VCPIP1: variants seen among roughly 807,000 people sequenced by gnomAD.
VCPIP1 encodes valosin containing protein interacting protein 1, also known as deubiquitinating protein VCPIP1.
Under a neutral mutation model 85.0 loss-of-function variants are expected in VCPIP1, and 8 were observed. That is an observed-to-expected ratio of 0.09 (90% CI 0.06 to 0.17). The LOEUF is 0.17. VCPIP1 is among the 10% of genes least tolerant of loss of function. VCPIP1 has a pLI of 1.00. For synonymous variants in VCPIP1, 543 were observed against 544.5 expected (o/e 1.00, Z 0.04); for missense variants, 1,070 against 1,486.3 (o/e 0.72, Z 4.61).
intron 1 of VCPIP1, 78 bp downstream of exon 1, chr8:66,664,171 T>C: frequency 7.1e-7 from 1 of 1,415,110 alleles, no homozygotes; most frequent in Non-Finnish European, 9.3e-7. Flanking sequence ...CAGATTTCTT[T>C]TCCCCCAAAG....
Position 66,667,031 on chromosome 8 carries a change from C to G in VCPIP1, c.-73G>C. On this transcript the variant is annotated 5_prime_UTR_variant, in exon 1 of 3. Coordinates refer to ENST00000310421, the MANE Select transcript of VCPIP1 (RefSeq NM_025054.5). ...AGCTCATAGCCCAGACCCCCACCAA[C>G]CCGACTCGGTCCAGTCCAGGCCCAG... is the stretch of plus-strand genomic sequence containing the variant. 1.4e-6 allele frequency: 2 copies of G among 1,442,220 alleles called. No individual in the cohort carries two copies. The highest frequency in any genetic ancestry group is 1.8e-6 in the Non-Finnish European group (2 of 1,101,400). 89.3% of individuals were successfully genotyped at this position (1,442,220 alleles called of 1,614,324 possible).
chr8:66,661,719 G>C (rs1280871423), intron 1 of VCPIP1, among the ~76,000 whole-genome samples: 2 of 151,150 alleles, frequency 1.3e-5, no homozygotes, highest in African/African-American at 4.9e-5. Context: ...CTGGGCGACA[G>C]AGTGAGACTC....
chr8:66,642,168 T>C (rs1810954487), intron 2 of VCPIP1, among the ~76,000 whole-genome samples: 1 of 152,222 alleles, frequency 6.6e-6, no homozygotes, highest in African/African-American at 2.4e-5. Context: ...ATTTTTCTTT[T>C]GATTTGCATT....
chr8:66,654,305 G>A (rs1013626932), intron 1 of VCPIP1, among the ~76,000 whole-genome samples: 2 of 152,174 alleles, frequency 1.3e-5, no homozygotes, highest in Admixed American at 6.5e-5. Flanking sequence ...GTGAAACTCC[G>A]TCTCTACTAA....
chr8:66,656,287 T>G (rs1811099557), intron 1 of VCPIP1, among the ~76,000 whole-genome samples: 1 of 152,104 alleles, frequency 6.6e-6, no homozygotes. Context: ...CTTGATCTCC[T>G]GAACTCAAGC....
intron 2 of VCPIP1, among the ~76,000 whole-genome samples, chr8:66,640,469 G>A (rs11990322): frequency 0.082 from 12,476 of 152,142 alleles, 1,020 homozygotes; most frequent in African/African-American, 0.2. Context: ...GTAAATACTA[G>A]GCAGAAAAGG....
intron 1 of VCPIP1, among the ~76,000 whole-genome samples, chr8:66,661,912 T>C (rs1586630067): frequency 6.6e-6 from 1 of 150,800 alleles, no homozygotes; most frequent in South Asian, 2.1e-4. Context: ...TACAGGCTCC[T>C]GCCACCACAC....
chr8:66,646,264 G>T (rs1810994890), intron 2 of VCPIP1, among the ~76,000 whole-genome samples: 1 of 151,770 alleles, frequency 6.6e-6, no homozygotes, highest in South Asian at 2.1e-4. Flanking sequence ...GTAGAGACGG[G>T]GTTTCACAGT....
intron 1 of VCPIP1, among the ~76,000 whole-genome samples, chr8:66,662,145 A>C (rs901831776): frequency 6.6e-6 from 1 of 152,098 alleles, no homozygotes; most frequent in African/African-American, 2.4e-5. Flanking sequence ...TACAGCTTTC[A>C]AAGTGAACAC....
chr8:66,651,566 A>G (rs1446273211), intron 1 of VCPIP1, 22 bp from the exon 2 acceptor site: 1 of 1,594,100 alleles, frequency 6.3e-7, no homozygotes, highest in East Asian at 2.2e-5. Flanking sequence ...AAACAGATAT[A>G]GTATTAGCAA....
rs569584502 is a variant in VCPIP1 at position 66,664,307 on chromosome 8, T to C, written c.2652A>G (p.Glu884=). The change falls in exon 1 of 3, where the codon GAA becomes GAG. Residue 884 remains glutamate (E), a synonymous_variant. Transcript: ENST00000310421. ...TTTCTTTTTCAGCTTGCTCCTGAAG[T>C]TCCTTAGATGACAGTTTACCAGTAA... ...IAVTGKLSSK[E]LQEQAEKEMY... 4.3e-5 allele frequency: 69 copies of C among 1,605,476 alleles called. No individual in the cohort carries two copies. Among genetic ancestry groups the C allele is most frequent in the South Asian group, 1.9e-4 (17 of 90,560 alleles).
At position 66,665,628 on chromosome 8, in the gene VCPIP1, C is replaced by A. The variant is rs761398589; in HGVS notation, c.1331G>T (p.Gly444Val). 5 of 1,614,180 alleles carry A rather than the reference C, an allele frequency of 3.1e-6. No homozygotes were observed. The highest frequency in any genetic ancestry group is 1.7e-6 in the Non-Finnish European group (2 of 1,180,034). ...DVHQYFYRRT[G>V]VIGVQPEEVT... ...TTCCTCAGGCTGAACTCCTATCACT[C>A]CAGTCCTTCTGTAGAAATACTGATG... Residue 444 changes from glycine to valine, a missense_variant, in exon 1 of 3, where the codon GGA becomes GTA. Physicochemically the swap from Gly to Val is moderately radical, Grantham distance 109. Transcript: ENST00000310421. The surrounding 1 kb of genome is among the most constrained non-coding windows in gnomAD (Gnocchi z 4.3).
intron 1 of VCPIP1, among the ~76,000 whole-genome samples, chr8:66,654,513 A>C (rs1185426625): frequency 3.3e-5 from 5 of 152,204 alleles, no homozygotes; most frequent in Admixed American, 3.3e-4. Flanking sequence ...AATTTGAAAG[A>C]ACTATCCAGG....
intron 2 of VCPIP1, 147 bp from the exon 3 acceptor site, chr8:66,635,519 A>T: frequency 1.1e-6 from 1 of 952,374 alleles, no homozygotes. Flanking sequence ...GATTTATTGT[A>T]TTACAAAAAA....
At position 66,666,038 on chromosome 8, in the gene VCPIP1, A is replaced by G. The variant is rs1177616137; in HGVS notation, c.921T>C (p.Asp307=). 1 of 1,614,042 alleles carries G rather than the reference A, an allele frequency of 6.2e-7. No individual in the cohort carries two copies. The highest frequency in any genetic ancestry group is 8.5e-7 in the Non-Finnish European group (1 of 1,180,026). ...NVLHRPIILL[D]SLSGMRSSGD... is the part of the protein sequence containing the mutation. Reference sequence around the variant, plus strand: ...CAGAGCTTCTCATGCCACTGAGGGAATCTAACAGAATAATAGGACGATGTA... The same window carrying G: ...CAGAGCTTCTCATGCCACTGAGGGAGTCTAACAGAATAATAGGACGATGTA... Residue 307 remains aspartate (D), a synonymous_variant, in exon 1 of 3, where the codon GAT becomes GAC. Coordinates refer to ENST00000310421, the MANE Select transcript of VCPIP1 (RefSeq NM_025054.5). This position sits in a 1 kb window ranked among gnomAD's most constrained non-coding sequence, Gnocchi z 6.3.
chr8:66,657,278 G>T, intron 1 of VCPIP1, among the ~76,000 whole-genome samples: 1 of 152,088 alleles, frequency 6.6e-6, no homozygotes, highest in East Asian at 1.9e-4. Context: ...ACCATAAAAT[G>T]AAGTACTTGT....
chr8:66,633,690 T>A lies in VCPIP1; in HGVS notation c.*811A>T, dbSNP rs1415605426. On this transcript the variant is annotated 3_prime_UTR_variant, in exon 3 of 3. Transcript: ENST00000310421. ...AAGATAAACTCTTATTTATAAATTC[T>A]CTACTGCTACCATTATTTCTTTTTC... The A allele has an allele frequency of 6.6e-6, 1 of 152,088 alleles. No individual in the cohort carries two copies. Among genetic ancestry groups the A allele is most frequent in the Non-Finnish European group, 1.5e-5 (1 of 68,000 alleles). The allele number at this position is 152,088 out of a possible 1,614,324, so 9.4% of individuals were successfully genotyped here.
rs754739944 is a variant in VCPIP1, at chr8:66,665,676, T to C, written c.1283A>G (p.His428Arg). Reference protein sequence around the residue: ...EEVFMDKHGIHPSLVADVHQY... With the variant: ...EEVFMDKHGIRPSLVADVHQY... ...ATGGACATCAGCAACCAAACTAGGATGGATACCATGTTTGTCCATAAAGAC... is the reference window on the plus strand; with the variant it reads ...ATGGACATCAGCAACCAAACTAGGACGGATACCATGTTTGTCCATAAAGAC... The change falls in exon 1 of 3, where the codon CAT (histidine) becomes CGT (arginine). Residue 428 changes from histidine to arginine, a missense_variant. Around this residue, in one of 8 missense-constraint regions of VCPIP1, gnomAD observed 83 missense variants for 134.6 expected, o/e 0.62. Coordinates refer to ENST00000310421, the MANE Select transcript of VCPIP1 (RefSeq NM_025054.5). This position sits in a 1 kb window ranked among gnomAD's most constrained non-coding sequence, Gnocchi z 4.3. 6.2e-7 allele frequency: 1 copy of C among 1,614,150 alleles called. No individual in the cohort carries two copies. The highest frequency in any genetic ancestry group is 8.5e-7 in the Non-Finnish European group (1 of 1,179,998).
At chr8:66,635,433 C>A in intron 2 of VCPIP1, 61 bp from the exon 3 acceptor site, 2 of 1,429,146 alleles carry the variant, frequency 1.4e-6, no homozygotes, top group South Asian at 1.4e-5. Context: ...AAAGTGTAGT[C>A]AAGACAATTA....
Sources: gnomAD v4.1 joint callset for allele counts (sites outside exome capture counted in the v4.1 genomes callset) on GRCh38, gnomAD v4.1.1 for gene constraint, gnomAD v4.1.1 regional missense constraint, Gnocchi (gnomAD v3.1) non-coding constraint, MANE v1.5 for transcripts, NCBI Gene and HGNC (gene_info 2026-07-23, HGNC 2026-07-21) for gene names.